The following PKIA variants were observed in gnomAD, a reference collection of about 807,000 sequenced individuals.
PKIA encodes PKI-alpha.
Under a neutral mutation model 7.6 loss-of-function variants are expected in PKIA, and 4 were observed. That is an observed-to-expected ratio of 0.52 (90% CI 0.26 to 1.20). The LOEUF is 1.20. Among genes scored for constraint, PKIA ranks in the 50% most tolerant of loss-of-function variants. The pLI is 0.13. For synonymous variants in PKIA, 21 were observed against 30.7 expected, an observed-to-expected ratio of 0.68 and a Z score of 1.04; for missense variants, 73 against 86.2, an observed-to-expected ratio of 0.85 and a Z score of 0.61.
rs1807977782 is a variant in PKIA at position 78,587,648 on chromosome 8, T to C, written c.-27-10710T>C. Among the ~76,000 whole-genome samples, 4 of 152,320 alleles carry C rather than the reference T, an allele frequency of 2.6e-5. No individual in the cohort carries two copies. The South Asian group carries it at 8.3e-4, about 32-fold the overall frequency. ...ATGCTTTAATTTGCTACTTTCGTCATATATATTTGATAAAAAACTTAAAAG... is the reference window on the plus strand; with the variant it reads ...ATGCTTTAATTTGCTACTTTCGTCACATATATTTGATAAAAAACTTAAAAG... On this transcript the variant is annotated intron_variant, in intron 2 of 3. Transcript: ENST00000396418.
intron 1 of PKIA, among the ~76,000 whole-genome samples, chr8:78,570,722 G>C (rs1807525713): frequency 6.6e-6 from 1 of 152,002 alleles, no homozygotes; most frequent in Non-Finnish European, 1.5e-5. Context: ...CATGCTCTCT[G>C]TTGTCTTCTT....
In PKIA at chr8:78,604,865, T is replaced by G. The variant is rs1404415562; in HGVS notation, c.*3044T>G. The stretch of plus-strand genomic sequence containing the variant: ...TATTTTTAAAAATAAATAACAGACA[T>G]TGAAATCCAATTCTTAGATAATACT... On this transcript the variant is annotated 3_prime_UTR_variant, in exon 4 of 4. Coordinates refer to ENST00000396418, the MANE Select transcript of PKIA (RefSeq NM_006823.4). 1 of 152,026 alleles carries G rather than the reference T, an allele frequency of 6.6e-6. No homozygotes were observed. Among genetic ancestry groups the G allele is most frequent in the Non-Finnish European group, 1.5e-5 (1 of 67,968 alleles). 9.4% of individuals were successfully genotyped at this position (152,026 alleles called of 1,614,324 possible). A position where few individuals can be genotyped will look rare whatever the true frequency, so the allele number is the denominator to read the frequency against.
At chr8:78,567,906 T>C (rs1245225493) in intron 1 of PKIA, among the ~76,000 whole-genome samples, 1 of 152,310 alleles carries the variant, frequency 6.6e-6, no homozygotes, top group East Asian at 1.9e-4. Context: ...GGCTCAATAA[T>C]TGTGGGTTTT....
chr8:78,547,572 C>A (rs1277770428), intron 1 of PKIA, among the ~76,000 whole-genome samples: 4 of 152,070 alleles, frequency 2.6e-5, no homozygotes, highest in African/African-American at 9.7e-5. Flanking sequence ...TAAAACCATT[C>A]CTGCTTTGAG....
chr8:78,582,238 C>T (rs1026107651), intron 2 of PKIA, among the ~76,000 whole-genome samples: 4 of 149,714 alleles, frequency 2.7e-5, no homozygotes, highest in Non-Finnish European at 5.9e-5. Context: ...TCCATTCTCA[C>T]GCTGCTATAA....
intron 2 of PKIA, among the ~76,000 whole-genome samples, chr8:78,577,408 G>A (rs1419074158): frequency 6.6e-6 from 1 of 151,724 alleles, no homozygotes; most frequent in East Asian, 1.9e-4. Flanking sequence ...CTTAGTACCT[G>A]GGTGGCAAAA....
At chr8:78,526,394 C>T (rs546569558) in intron 1 of PKIA, among the ~76,000 whole-genome samples, 20 of 151,950 alleles carry the variant, frequency 1.3e-4, no homozygotes, top group Non-Finnish European at 1.9e-4. Flanking sequence ...TGAATTGTAC[C>T]ACATGTCTAA....
chr8:78,546,031 T>C (rs1806812733), intron 1 of PKIA, among the ~76,000 whole-genome samples: 1 of 152,202 alleles, frequency 6.6e-6, no homozygotes, highest in South Asian at 2.1e-4. Flanking sequence ...TGCTAGAGTT[T>C]ACAAAATCTG....
chr8:78,528,051 G>C (rs1241925434), intron 1 of PKIA, among the ~76,000 whole-genome samples: 1 of 151,968 alleles, frequency 6.6e-6, no homozygotes, highest in African/African-American at 2.4e-5. Context: ...CTGTACCATG[G>C]GACATTTCAG....
intron 1 of PKIA, chr8:78,535,214 T>C (rs1806492445): frequency 6.6e-6 from 1 of 152,174 alleles, no homozygotes; most frequent in South Asian, 2.1e-4. Flanking sequence ...GTAAGATTGA[T>C]TTCTGCTAAA....
At chr8:78,575,603 CA>C (rs1807656090) in intron 2 of PKIA, among the ~76,000 whole-genome samples, 1 of 151,958 alleles carries the variant, frequency 6.6e-6, no homozygotes, top group African/African-American at 2.4e-5. Context: ...TCCTATTATA[CA>C]CGTGCAAGAT....
chr8:78,561,084 T>C (rs1464794229), intron 1 of PKIA, among the ~76,000 whole-genome samples: 11 of 152,146 alleles, frequency 7.2e-5, no homozygotes, highest in Admixed American at 5.9e-4. Flanking sequence ...AAATGATTAG[T>C]GTGTTTGGAC....
At chr8:78,544,200 T>C (rs1806766034) in intron 1 of PKIA, among the ~76,000 whole-genome samples, 1 of 152,202 alleles carries the variant, frequency 6.6e-6, no homozygotes, top group African/African-American at 2.4e-5. Context: ...CTTCATGTTT[T>C]TGCTCCAACT....
At chr8:78,542,071 G>C (rs1486567605) in intron 1 of PKIA, among the ~76,000 whole-genome samples, 1 of 152,052 alleles carries the variant, frequency 6.6e-6, no homozygotes, top group African/African-American at 2.4e-5. Flanking sequence ...GTCTACTCAA[G>C]ATGATTGCTT....
chr8:78,590,616 C>A (rs535651675), intron 2 of PKIA, among the ~76,000 whole-genome samples: 3 of 150,904 alleles, frequency 2.0e-5, no homozygotes, highest in South Asian at 2.1e-4. Flanking sequence ...CAGAGAGTTG[C>A]AAATGTAAAT....
intron 1 of PKIA, among the ~76,000 whole-genome samples, chr8:78,541,031 CA>C (rs1806673999): frequency 6.6e-6 from 1 of 151,970 alleles, no homozygotes; most frequent in South Asian, 2.1e-4. Context: ...AATTTTAAAA[CA>C]GTTGTTACCT....
At chr8:78,593,190 T>C in intron 2 of PKIA, among the ~76,000 whole-genome samples, 1 of 152,196 alleles carries the variant, frequency 6.6e-6, no homozygotes. Context: ...TGACCCAATC[T>C]TGGCTCACTG....
rs143551475 is a variant in PKIA at position 78,572,389 on chromosome 8, A to G, written c.-156-422A>G. Among the ~76,000 whole-genome samples the G allele has an allele frequency of 5.9e-3, 896 of 152,128 alleles. 7 individuals are homozygous for G. Among genetic ancestry groups the G allele is most frequent in the Admixed American group, 8.4e-3 (128 of 15,246 alleles). ...GTCAAATTAATTTTTTGAAGATCTAAGTGAAGATAGAAGAGAAATCTAGAT... is the reference window on the plus strand; with the variant it reads ...GTCAAATTAATTTTTTGAAGATCTAGGTGAAGATAGAAGAGAAATCTAGAT... On this transcript the variant is annotated intron_variant, in intron 1 of 3. Transcript: ENST00000396418.
At chr8:78,523,770 G>C (rs1233143667) in intron 1 of PKIA, among the ~76,000 whole-genome samples, 3 of 150,822 alleles carry the variant, frequency 2.0e-5, no homozygotes, top group Non-Finnish European at 4.4e-5. Flanking sequence ...GAAATAATCT[G>C]TCAAAATCAC....
Sources: allele counts gnomAD v4.1 joint callset (sites outside exome capture counted in the v4.1 genomes callset), GRCh38; gene constraint gnomAD v4.1.1; transcripts MANE v1.5; gene names NCBI Gene and HGNC (gene_info 2026-07-23, HGNC 2026-07-21).